Variants in NARS2 observed in about 807,000 individuals in gnomAD.
NARS2 encodes the protein asparaginyl-tRNA synthetase.
A neutral mutation model predicts 62.9 loss-of-function variants in NARS2; 60 were observed. That is an observed-to-expected ratio of 0.95 (90% CI 0.77 to 1.18). The LOEUF is 1.18. Among genes scored for constraint, NARS2 ranks in the 50% most tolerant of loss-of-function variants. NARS2 has a pLI of 0.00. For synonymous variants in NARS2, 196 were observed against 200.0 expected, an observed-to-expected ratio of 0.98 and a Z score of 0.17; for missense variants, 619 against 576.4, an observed-to-expected ratio of 1.07 and a Z score of -0.76.
At chr11:78,489,896 A>C (rs1193702380) in intron 7 of NARS2, among the ~76,000 whole-genome samples, 1 of 151,970 alleles carries the variant, frequency 6.6e-6, no homozygotes, top group Non-Finnish European at 1.5e-5. Context: ...TTCTATAAAA[A>C]ATTTAAAAAA....
intron 7 of NARS2, among the ~76,000 whole-genome samples, chr11:78,481,667 C>A (rs1019514184): frequency 2.6e-5 from 4 of 152,112 alleles, no homozygotes; most frequent in African/African-American, 9.7e-5. Flanking sequence ...TAGCGTAACT[C>A]AGATGTCTTA....
chr11:78,474,530 C>A (rs1169444573), intron 9 of NARS2, among the ~76,000 whole-genome samples: 1 of 152,160 alleles, frequency 6.6e-6, no homozygotes, highest in South Asian at 2.1e-4. Flanking sequence ...TGGTTCACTA[C>A]CCTCAGTGAC....
At chr11:78,440,379 A>T (rs1019424465) in intron 13 of NARS2, among the ~76,000 whole-genome samples, 5 of 150,560 alleles carry the variant, frequency 3.3e-5, no homozygotes, top group African/African-American at 1.2e-4. Context: ...AAGCATTTTG[A>T]TTCAGAGAGA....
chr11:78,480,446 G>C (rs1859299729), intron 7 of NARS2, among the ~76,000 whole-genome samples: 1 of 151,888 alleles, frequency 6.6e-6, no homozygotes, highest in Admixed American at 6.6e-5. Context: ...GTGGAGATGG[G>C]GTTTCACCAT....
At chr11:78,524,912 G>A (rs1196200864) in intron 6 of NARS2, among the ~76,000 whole-genome samples, 7 of 152,072 alleles carry the variant, frequency 4.6e-5, no homozygotes, top group African/African-American at 7.2e-5. Flanking sequence ...CTTTCAACAG[G>A]TGAACTGATA....
At chr11:78,469,106 A>C (rs1858755619) in intron 10 of NARS2, 141 bp downstream of exon 10, 1 of 559,110 alleles carries the variant, frequency 1.8e-6, no homozygotes, top group South Asian at 2.7e-5. Context: ...TCAAAATCTT[A>C]AGTCTGTGTA....
intron 4 of NARS2, 61 bp downstream of exon 4, chr11:78,566,071 C>T (rs2135533530): frequency 7.3e-7 from 1 of 1,366,436 alleles, no homozygotes; most frequent in South Asian, 1.5e-5. Context: ...AAAGACACAA[C>T]TGTTTTTAAA....
intron 5 of NARS2, among the ~76,000 whole-genome samples, chr11:78,540,092 G>C (rs1311006668): frequency 6.6e-6 from 1 of 152,082 alleles, no homozygotes; most frequent in Non-Finnish European, 1.5e-5. Context: ...ACTTAACCTA[G>C]CCTTTCTCTA....
At chr11:78,509,843 G>GAA (rs1860651789) in intron 6 of NARS2, among the ~76,000 whole-genome samples, 1 of 124,616 alleles carries the variant, frequency 8.0e-6, no homozygotes, top group Non-Finnish European at 1.8e-5. Flanking sequence ...AAAAAAAAAA[G>GAA]AAAAGAAAAG....
chr11:78,525,120 T>C (rs943535144), intron 6 of NARS2, among the ~76,000 whole-genome samples: 19 of 152,072 alleles, frequency 1.2e-4, no homozygotes, highest in African/African-American at 4.6e-4. Context: ...AAACGATCAA[T>C]GGTTACCAGT....
chr11:78,526,787 A>G (rs150284137), intron 6 of NARS2, among the ~76,000 whole-genome samples: 22 of 152,274 alleles, frequency 1.4e-4, no homozygotes, highest in African/African-American at 5.1e-4. Context: ...TATATTTCAC[A>G]TATGACACTT....
In NARS2 at chr11:78,493,097, A is replaced by G. The variant is rs541632286; in HGVS notation, c.788T>C (p.Ile263Thr). The G allele has an allele frequency of 3.1e-6, 5 of 1,613,668 alleles. No homozygotes were observed. In the Admixed American group the frequency reaches 8.4e-5, roughly 27 times the overall value. Residue 263 changes from isoleucine to threonine, a missense_variant, in exon 7 of 14, where the codon ATT becomes ACT. Transcript: ENST00000281038. ...LAEFYMIEAE[I>T]SFVDSLQDLM... ...ATCTTGAAGGCTGTCAACAAAAGAA[A>G]TCTCTGCTTCTATCATATAAAACTC...
intron 5 of NARS2, among the ~76,000 whole-genome samples, chr11:78,544,249 C>T (rs148118414): frequency 1.4e-4 from 22 of 152,242 alleles, no homozygotes; most frequent in Admixed American, 1.3e-4. Context: ...TTATAACTCT[C>T]CAAAGACTCA....
intron 6 of NARS2, among the ~76,000 whole-genome samples, chr11:78,504,551 T>A (rs1209714287): frequency 6.6e-6 from 1 of 152,154 alleles, no homozygotes; most frequent in South Asian, 2.1e-4. Flanking sequence ...CTAAGCTTAT[T>A]TGTTATCAGC....
chr11:78,439,720 C>T (rs1321438088), intron 13 of NARS2, among the ~76,000 whole-genome samples: 1 of 152,068 alleles, frequency 6.6e-6, no homozygotes, highest in Non-Finnish European at 1.5e-5. Context: ...TCCTTCCATA[C>T]CAAAAGGCGA....
At chr11:78,464,380 G>A (rs1037494430) in intron 11 of NARS2, among the ~76,000 whole-genome samples, 3 of 152,092 alleles carry the variant, frequency 2.0e-5, no homozygotes, top group South Asian at 2.1e-4. Context: ...CTGCTGGCTC[G>A]GGCAGCCTGC....
At chr11:78,479,444 G>C (rs56082297) in intron 7 of NARS2, among the ~76,000 whole-genome samples, 1,812 of 152,238 alleles carry the variant, frequency 0.012, 25 homozygotes, top group African/African-American at 0.041. Context: ...GCGAGGTTGA[G>C]GCTACAGTGA....
intron 4 of NARS2, among the ~76,000 whole-genome samples, chr11:78,564,863 C>T (rs1375022008): frequency 6.6e-6 from 1 of 152,190 alleles, no homozygotes; most frequent in Non-Finnish European, 1.5e-5. Context: ...CCATGATGTT[C>T]TTTAGCTCTT....
intron 9 of NARS2, among the ~76,000 whole-genome samples, chr11:78,475,221 G>A (rs1195261618): frequency 1.3e-5 from 2 of 152,080 alleles, no homozygotes; most frequent in Non-Finnish European, 2.9e-5. Flanking sequence ...AGTCTTCCAG[G>A]TTGATCCATG....
Sources: gnomAD v4.1 joint callset for allele counts (sites outside exome capture counted in the v4.1 genomes callset) on GRCh38, gnomAD v4.1.1 for gene constraint, MANE v1.5 for transcripts, NCBI Gene and HGNC (gene_info 2026-07-23, HGNC 2026-07-21) for gene names.